Variants in TRIP10 observed in about 807,000 individuals in gnomAD.
The protein encoded by TRIP10 is thyroid hormone receptor interactor 10.
TRIP10 carries 54 observed loss-of-function variants against 80.9 expected under a neutral mutation model. That is an observed-to-expected ratio of 0.67 (90% CI 0.54 to 0.84). TRIP10 has a LOEUF of 0.84. TRIP10 is among the 40% of genes least tolerant of loss of function. The probability of loss-of-function intolerance (pLI) is 0.00; values close to 1 mark genes in which losing one functional copy is unlikely to be tolerated. For missense variants in TRIP10, 773 were observed against 815.3 expected, an observed-to-expected ratio of 0.95 and a Z score of 0.63; for synonymous variants, 321 against 307.2, an observed-to-expected ratio of 1.04 and a Z score of -0.47.
chr19:6,751,502 T>G lies in TRIP10; in HGVS notation c.*291T>G, dbSNP rs1313453634. 3 of 621,358 alleles carry G rather than the reference T, an allele frequency of 4.8e-6. No homozygotes were observed. The highest frequency in any genetic ancestry group is 3.8e-5 in the African/African-American group (2 of 52,290). The allele number at this position is 621,358 out of a possible 1,614,324, so 38.5% of individuals were successfully genotyped here. ...AAAATGGGAAAAAAAAAAAAGAAAT[T>G]ATATAAAGTTCCTAGAGTCGGTGTC... On this transcript the variant is annotated 3_prime_UTR_variant, in exon 15 of 15. Coordinates refer to ENST00000313244, the MANE Select transcript of TRIP10 (RefSeq NM_001288962.2).
rs148560112 is a variant in TRIP10, at chr19:6,742,988, C to T, written c.219C>T (p.Phe73=). The T allele has an allele frequency of 4.7e-4, 764 of 1,614,146 alleles. 2 individuals are homozygous for T. The African/African-American group carries it at 9.1e-3, about 19-fold the overall frequency. The change falls in exon 4 of 15, where the codon TTC becomes TTT. Residue 73 remains phenylalanine (F), a synonymous_variant. Transcript: ENST00000313244. ...PESKFSQQQS[F]VQILQEVNDF... ...CCAGATTCAGCCAGCAACAGTCCTTCGTACAGATTCTCCAGGAGGTGAATG... is the reference window on the plus strand; with the variant it reads ...CCAGATTCAGCCAGCAACAGTCCTTTGTACAGATTCTCCAGGAGGTGAATG...
rs1969099494 is a variant in TRIP10, at chr19:6,745,737, C to G, written c.985-292C>G. ...TAACATTCCAGAGACCTAGGAGATA[C>G]CGGGGGAGTGAGAGTTCTGGCTTTC... On this transcript the variant is annotated intron_variant, in intron 9 of 14. Coordinates refer to ENST00000313244, the MANE Select transcript of TRIP10 (RefSeq NM_001288962.2). This position sits in a 1 kb window ranked among gnomAD's most constrained non-coding sequence, Gnocchi z 7.2. 1.9e-5 allele frequency: 19 copies of G among 985,222 alleles called. No homozygotes were observed. The highest frequency in any genetic ancestry group is 2.2e-5 in the Non-Finnish European group (18 of 829,900). 61.0% of individuals were successfully genotyped at this position (985,222 alleles called of 1,614,324 possible).
intron 5 of TRIP10, 35 bp from the exon 6 acceptor site, chr19:6,743,459 G>T: frequency 1.2e-6 from 2 of 1,606,382 alleles, no homozygotes; most frequent in Non-Finnish European, 1.7e-6. Flanking sequence ...CTTTGGGATG[G>T]TGGCTCCCTC....
chr19:6,743,108 G>A lies in TRIP10; in HGVS notation c.339G>A (p.Arg113=), dbSNP rs1013386748. ...TKYSQEMKQE[R]KMHFQEGRRA... ...ACTCACAAGAGATGAAACAGGAGAG[G>A]AAGATGGTGAGGAGCCCCCCGATTC... is the stretch of plus-strand genomic sequence containing the variant. The change falls in exon 4 of 15, where the codon AGG becomes AGA. Residue 113 remains arginine, a synonymous_variant. Transcript: ENST00000313244. 2 of 1,614,198 alleles carry A rather than the reference G, an allele frequency of 1.2e-6. No individual in the cohort carries two copies. Among genetic ancestry groups the A allele is most frequent in the Non-Finnish European group, 8.5e-7 (1 of 1,180,040 alleles).
At position 6,739,721 on chromosome 19, in the gene TRIP10, C is replaced by G; in HGVS notation, c.-41C>G. ...GGCGGCGGGCGGCGGGCGGCGGGGA[C>G]CGGGTGCGGTGGTGGCTGCGGCGGC... On this transcript the variant is annotated 5_prime_UTR_variant, in exon 1 of 15. Coordinates refer to ENST00000313244, the MANE Select transcript of TRIP10 (RefSeq NM_001288962.2). The G allele has an allele frequency of 7.6e-7, 1 of 1,315,024 alleles. No homozygotes were observed. Among genetic ancestry groups the G allele is most frequent in the Non-Finnish European group, 9.7e-7 (1 of 1,027,196 alleles). 81.5% of individuals were successfully genotyped at this position (1,315,024 alleles called of 1,614,324 possible).
chr19:6,743,392 C>A, intron 5 of TRIP10, 102 bp from the exon 6 acceptor site: 1 of 1,521,552 alleles, frequency 6.6e-7, no homozygotes. Context: ...CCCTTGACCC[C>A]TACTTACTGG....
At chr19:6,749,654 C>G (rs1969224994) in intron 11 of TRIP10, among the ~76,000 whole-genome samples, 1 of 152,066 alleles carries the variant, frequency 6.6e-6, no homozygotes, top group Non-Finnish European at 1.5e-5. Flanking sequence ...TTGAACTCAG[C>G]CTGGGCAACA....
In TRIP10 at chr19:6,745,146, C is replaced by CGTGCA; in HGVS notation, c.984+153_984+154insTGCAG. The CGTGCA allele has an allele frequency of 8.9e-7, 1 of 1,122,194 alleles. No individual in the cohort carries two copies. Among genetic ancestry groups the CGTGCA allele is most frequent in the Non-Finnish European group, 1.2e-6 (1 of 818,878 alleles). The allele number at this position is 1,122,194 out of a possible 1,614,324, so 69.5% of individuals were successfully genotyped here. A position where few individuals can be genotyped will look rare whatever the true frequency, so the allele number is the denominator to read the frequency against. On this transcript the variant is annotated intron_variant, in intron 9 of 14. Transcript: ENST00000313244. This position sits in a 1 kb window ranked among gnomAD's most constrained non-coding sequence, Gnocchi z 7.2. ...CAGCCCGGACTGGAGGGAAGGAAGGCGGCCGATTGGCCTGGGAGTCCCCCG... is the reference window on the plus strand; with the variant it reads ...CAGCCCGGACTGGAGGGAAGGAAGGCGTGCAGGCCGATTGGCCTGGGAGTCCCCCG...
chr19:6,750,482 G>A lies in TRIP10; in HGVS notation c.1536-30G>A, dbSNP rs776760168. On this transcript the variant is annotated intron_variant, in intron 13 of 14. Coordinates refer to ENST00000313244, the MANE Select transcript of TRIP10 (RefSeq NM_001288962.2). Reference sequence around the variant, plus strand: ...TGTTCCCAGGGTCCCAGGAGGGCCTGTCTTTATCTGCCGAATTATCCCCAA... The same window carrying A: ...TGTTCCCAGGGTCCCAGGAGGGCCTATCTTTATCTGCCGAATTATCCCCAA... The A allele has an allele frequency of 4.3e-6, 7 of 1,613,930 alleles. No homozygotes were observed. The South Asian group carries it at 7.7e-5, about 18-fold the overall frequency.
At chr19:6,748,216 G>A (rs1969191772) in intron 11 of TRIP10, 1 of 152,052 alleles carries the variant, frequency 6.6e-6, no homozygotes, top group South Asian at 2.1e-4. Flanking sequence ...CCTCTTCCCA[G>A]TTCTGTTACA....
rs1456827801 is a variant in TRIP10, at chr19:6,745,135, G to A, written c.984+141G>A. The A allele has an allele frequency of 8.4e-6, 10 of 1,194,624 alleles. No homozygotes were observed. The highest frequency in any genetic ancestry group is 1.9e-5 in the African/African-American group (1 of 52,364). The allele number at this position is 1,194,624 out of a possible 1,614,324, so 74.0% of individuals were successfully genotyped here. A position where few individuals can be genotyped will look rare whatever the true frequency, so the allele number is the denominator to read the frequency against. On this transcript the variant is annotated intron_variant, in intron 9 of 14. Transcript: ENST00000313244. The surrounding 1 kb of genome is among the most constrained non-coding windows in gnomAD (Gnocchi z 7.2). Reference sequence around the variant, plus strand: ...CTCTTGGCTGCCAGCCCGGACTGGAGGGAAGGAAGGCGGCCGATTGGCCTG... The same window carrying A: ...CTCTTGGCTGCCAGCCCGGACTGGAAGGAAGGAAGGCGGCCGATTGGCCTG...
At chr19:6,747,486 T>A (rs887682750) in intron 11 of TRIP10, among the ~76,000 whole-genome samples, 6 of 152,126 alleles carry the variant, frequency 3.9e-5, no homozygotes, top group Admixed American at 2.0e-4. Context: ...TTTACCTTAT[T>A]TATGATCATA....
Position 6,745,793 on chromosome 19 carries a change from C to A in TRIP10, c.985-236C>A, listed in dbSNP as rs915726311. 2 of 985,250 alleles carry A rather than the reference C, an allele frequency of 2.0e-6. No homozygotes were observed. Among genetic ancestry groups the A allele is most frequent in the East Asian group, 1.1e-4 (1 of 8,832 alleles). The allele number at this position is 985,250 out of a possible 1,614,324, so 61.0% of individuals were successfully genotyped here. Reference sequence around the variant, plus strand: ...TACAGTTCAACATCCTCCCCGCCACCTTCCAGATTTTTTTGTGTCGCTCCT... The same window carrying A: ...TACAGTTCAACATCCTCCCCGCCACATTCCAGATTTTTTTGTGTCGCTCCT... On this transcript the variant is annotated intron_variant, in intron 9 of 14. Transcript: ENST00000313244. This position sits in a 1 kb window ranked among gnomAD's most constrained non-coding sequence, Gnocchi z 7.2.
intron 11 of TRIP10, among the ~76,000 whole-genome samples, chr19:6,749,172 C>A (rs1969212663): frequency 6.6e-6 from 1 of 152,016 alleles, no homozygotes; most frequent in Admixed American, 6.6e-5. Context: ...GAACTCCTGG[C>A]CTCAAGTGAT....
rs781189979 is a variant in TRIP10, at chr19:6,743,199, C to T, written c.351C>T (p.Phe117=). The part of the protein sequence containing the change: ...QEMKQERKMH[F]QEGRRAQQQL... ...TATCACTCTTCTTTCTGTAGCACTT[C>T]CAAGAAGGGCGGCGGGCCCAGCAGC... Residue 117 remains phenylalanine, a synonymous_variant, in exon 5 of 15, where the codon TTC becomes TTT. Coordinates refer to ENST00000313244, the MANE Select transcript of TRIP10 (RefSeq NM_001288962.2). 2.5e-6 allele frequency: 4 copies of T among 1,614,166 alleles called. No homozygotes were observed. Among genetic ancestry groups the T allele is most frequent in the East Asian group, 4.5e-5 (2 of 44,888 alleles).
chr19:6,743,226 G>T lies in TRIP10; in HGVS notation c.378G>T (p.Gln126His). 1 of 1,614,050 alleles carries T rather than the reference G, an allele frequency of 6.2e-7. No homozygotes were observed. The highest frequency in any genetic ancestry group is 8.5e-7 in the Non-Finnish European group (1 of 1,180,008). ...AAGAAGGGCGGCGGGCCCAGCAGCA[G>T]CTGGAAAATGGCTTTAAACAGCTGG... ...HFQEGRRAQQ[Q>H]LENGFKQLEN... Residue 126 changes from glutamine to histidine, a missense_variant, in exon 5 of 15, where the codon CAG (glutamine) becomes CAT (histidine). Coordinates refer to ENST00000313244, the MANE Select transcript of TRIP10 (RefSeq NM_001288962.2).
intron 11 of TRIP10, among the ~76,000 whole-genome samples, chr19:6,747,473 C>T (rs1259112466): frequency 6.6e-6 from 1 of 152,116 alleles, no homozygotes; most frequent in Admixed American, 6.5e-5. Context: ...ATTAAGGGCT[C>T]ATTTTACCTT....
chr19:6,744,656 T>C lies in TRIP10; in HGVS notation c.745T>C (p.Leu249=). The C allele has an allele frequency of 6.2e-7, 1 of 1,612,302 alleles. No homozygotes were observed. The highest frequency in any genetic ancestry group is 8.5e-7 in the Non-Finnish European group (1 of 1,179,144). Residue 249 remains leucine, a synonymous_variant, in exon 8 of 15, where the codon TTG becomes CTG. Coordinates refer to ENST00000313244, the MANE Select transcript of TRIP10 (RefSeq NM_001288962.2). The surrounding 1 kb of genome is among the most constrained non-coding windows in gnomAD (Gnocchi z 4.9). ...LEVVPIIAKC[L]EGMKVAANAV... is the part of the protein sequence containing the mutation. The stretch of plus-strand genomic sequence containing the variant: ...GGTGGTGCCCATAATAGCCAAGTGC[T>C]TGGAGGGCATGAAGGTGGCTGCAAA...
rs372480513 is a variant in TRIP10, at chr19:6,744,622, C to T, written c.711C>T (p.Ala237=). ...CCGGGTATGGGCTCCTGTCGGAGGC[C>T]GAGCTGGAGGTGGTGCCCATAATAG... ...LGAGYGLLSE[A]ELEVVPIIAK... is the part of the protein sequence containing the mutation. The change falls in exon 8 of 15, where the codon GCC becomes GCT. Residue 237 remains alanine (A), a synonymous_variant. Coordinates refer to ENST00000313244, the MANE Select transcript of TRIP10 (RefSeq NM_001288962.2). This position sits in a 1 kb window ranked among gnomAD's most constrained non-coding sequence, Gnocchi z 4.9. 145 of 1,613,654 alleles carry T rather than the reference C, an allele frequency of 9.0e-5. No homozygotes were observed. Among genetic ancestry groups the T allele is most frequent in the Middle Eastern group, 3.3e-4 (2 of 6,084 alleles).
Sources: gnomAD v4.1 joint callset for allele counts (sites outside exome capture counted in the v4.1 genomes callset) on GRCh38, gnomAD v4.1.1 for gene constraint, Gnocchi (gnomAD v3.1) non-coding constraint, MANE v1.5 for transcripts, NCBI Gene and HGNC (gene_info 2026-07-23, HGNC 2026-07-21) for gene names.